Variants in ARMC9 observed in about 807,000 individuals in gnomAD.
ARMC9 encodes the protein armadillo repeat containing 9, also known as lisH domain-containing protein ARMC9.
A neutral mutation model predicts 107.0 loss-of-function variants in ARMC9; 94 were observed. The ratio of observed to expected loss-of-function variants is 0.88; its 90% CI spans 0.74 to 1.04. The LOEUF is 1.04. Ranked by LOEUF, ARMC9 falls within the 50% of genes least tolerant of loss-of-function variation. The pLI is 0.00. For synonymous variants in ARMC9, 380 were observed against 396.9 expected, an observed-to-expected ratio of 0.96 and a Z score of 0.51; for missense variants, 942 against 1,030.1, an observed-to-expected ratio of 0.91 and a Z score of 1.17.
chr2:231,254,851 A>G (rs1486806877), intron 9 of ARMC9, among the ~76,000 whole-genome samples: 2 of 152,136 alleles, frequency 1.3e-5, no homozygotes, highest in East Asian at 1.9e-4. Flanking sequence ...CTTCTCCTCT[A>G]CTTATTCCCT....
chr2:231,360,681 C>G lies in ARMC9; in HGVS notation c.2132-73C>G, dbSNP rs1380364762. 6.5e-7 allele frequency: 1 copy of G among 1,534,812 alleles called. No homozygotes were observed. The highest frequency in any genetic ancestry group is 2.4e-5 in the East Asian group (1 of 40,904). On this transcript the variant is annotated intron_variant, in intron 22 of 24. Transcript: ENST00000611582. This position sits in a 1 kb window ranked among gnomAD's most constrained non-coding sequence, Gnocchi z 4.7. ...TGCGTGCTTTTCTTGGCTTTCCAACCCAGCCCACGAGAGGGCATCCTTAGA... is the reference window on the plus strand; with the variant it reads ...TGCGTGCTTTTCTTGGCTTTCCAACGCAGCCCACGAGAGGGCATCCTTAGA...
chr2:231,280,661 AT>A (rs771883892), intron 16 of ARMC9, among the ~76,000 whole-genome samples: 1 of 152,164 alleles, frequency 6.6e-6, no homozygotes, highest in Non-Finnish European at 1.5e-5. Context: ...ACATTTTTTG[AT>A]TGGAAAAAGA....
At chr2:231,256,459 C>CA (rs202122259) in intron 9 of ARMC9, 127 bp from the exon 10 acceptor site, 56,326 of 773,652 alleles carry the variant, frequency 0.073, 20 homozygotes, top group Non-Finnish European at 0.077. Context: ...AAAAAAAAAC[C>CA]AAAAAAAAAA....
intron 19 of ARMC9, among the ~76,000 whole-genome samples, chr2:231,317,753 C>T (rs1035482710): frequency 1.2e-4 from 18 of 152,114 alleles, no homozygotes; most frequent in Middle Eastern, 6.8e-3. Context: ...GATTCTTTTA[C>T]CCTTTTGTAT....
intron 7 of ARMC9, among the ~76,000 whole-genome samples, chr2:231,228,211 A>T (rs1200749808): frequency 6.6e-6 from 1 of 152,252 alleles, no homozygotes; most frequent in Non-Finnish European, 1.5e-5. Flanking sequence ...AATACACCTC[A>T]GCCCACTGTT....
intron 19 of ARMC9, among the ~76,000 whole-genome samples, chr2:231,317,941 A>T (rs1303990019): frequency 6.6e-6 from 1 of 151,936 alleles, no homozygotes; most frequent in Admixed American, 6.6e-5. Context: ...TTCTTTGAGC[A>T]TATTTATAAT....
chr2:231,348,993 A>G lies in ARMC9; in HGVS notation c.1994+3903A>G, dbSNP rs1427703369. Reference sequence around the variant, plus strand: ...TCATACACTGTTGGTGAGAATGTAAATTAGTACAGCCACTATGGAGAACAG... The same window carrying G: ...TCATACACTGTTGGTGAGAATGTAAGTTAGTACAGCCACTATGGAGAACAG... On this transcript the variant is annotated intron_variant, in intron 21 of 24. Transcript: ENST00000611582. Among the ~76,000 whole-genome samples the G allele has an allele frequency of 2.0e-5, 3 of 152,346 alleles. No homozygotes were observed. The East Asian group carries it at 5.8e-4, about 29-fold the overall frequency.
chr2:231,199,846 C>T (rs1036293248), intron 1 of ARMC9, among the ~76,000 whole-genome samples: 7 of 152,036 alleles, frequency 4.6e-5, no homozygotes, highest in African/African-American at 1.2e-4. Flanking sequence ...CAGGTGCAGA[C>T]GCCACCACGC....
At chr2:231,270,545 G>C (rs1208008402) in intron 12 of ARMC9, 8 of 452,580 alleles carry the variant, frequency 1.8e-5, no homozygotes, top group Admixed American at 1.2e-4. Context: ...CCCACTTCCA[G>C]AATTGTGGCG....
chr2:231,323,575 C>G (rs555509231), intron 19 of ARMC9, among the ~76,000 whole-genome samples: 1 of 152,180 alleles, frequency 6.6e-6, no homozygotes, highest in Non-Finnish European at 1.5e-5. Context: ...AGGATGCCTC[C>G]GTTCCCTTTT....
intron 8 of ARMC9, among the ~76,000 whole-genome samples, chr2:231,235,729 G>A (rs892117034): frequency 5.9e-5 from 9 of 151,904 alleles, no homozygotes; most frequent in Admixed American, 3.3e-4. Context: ...TGCAACCTCC[G>A]CCTCCCAGAT....
chr2:231,281,083 T>C (rs1265180890), intron 16 of ARMC9, among the ~76,000 whole-genome samples: 2 of 152,136 alleles, frequency 1.3e-5, no homozygotes, highest in East Asian at 3.8e-4. Context: ...ATGCTCCATG[T>C]CCCATGTGTG....
intron 9 of ARMC9, chr2:231,256,354 G>A (rs2037808841): frequency 2.1e-6 from 3 of 1,447,322 alleles, no homozygotes; most frequent in Non-Finnish European, 1.9e-6. Context: ...CCACTTGGCC[G>A]ATGGGAATGG....
At chr2:231,291,191 A>G (rs1400053992) in intron 17 of ARMC9, among the ~76,000 whole-genome samples, 162 bp from the exon 18 acceptor site, 2 of 152,070 alleles carry the variant, frequency 1.3e-5, no homozygotes, top group South Asian at 2.1e-4. Context: ...TTTTGTATCT[A>G]TCTCTTAAAC....
rs1317003914 is a variant in ARMC9, at chr2:231,370,144, C to T, written c.2434+19C>T. 6.7e-7 allele frequency: 1 copy of T among 1,500,404 alleles called. No homozygotes were observed. The highest frequency in any genetic ancestry group is 1.2e-5 in the South Asian group (1 of 80,474). The allele number at this position is 1,500,404 out of a possible 1,614,324, so 92.9% of individuals were successfully genotyped here. On this transcript the variant is annotated intron_variant, in intron 24 of 24. Transcript: ENST00000611582. The stretch of plus-strand genomic sequence containing the variant: ...CTGCCGAGTAAGTCAGCCTGGGCCC[C>T]ACTGGCGTGGGAGCCTGGCCACCCG...
chr2:231,358,870 G>C lies in ARMC9; in HGVS notation c.2132-1884G>C, dbSNP rs2045449472. ...AGCATTTTGCAGAACGTTGGCCTAAGGAAAGCTATTCTCATTTCCCCACCA... is the reference window on the plus strand; with the variant it reads ...AGCATTTTGCAGAACGTTGGCCTAACGAAAGCTATTCTCATTTCCCCACCA... On this transcript the variant is annotated intron_variant, in intron 22 of 24. Transcript: ENST00000611582. The surrounding 1 kb of genome is among the most constrained non-coding windows in gnomAD (Gnocchi z 4.5). 6.6e-6 allele frequency among the ~76,000 whole-genome samples: 1 copy of C among 152,140 alleles called. No homozygotes were observed. Among genetic ancestry groups the C allele is most frequent in the Admixed American group, 6.5e-5 (1 of 15,272 alleles).
intron 17 of ARMC9, among the ~76,000 whole-genome samples, chr2:231,288,297 A>G (rs1320462093): frequency 6.6e-6 from 1 of 152,188 alleles, no homozygotes; most frequent in Non-Finnish European, 1.5e-5. Flanking sequence ...CAATGTACAT[A>G]AAAGGAAGGA....
At chr2:231,199,048 C>T (rs2030265371) in intron 1 of ARMC9, 1 of 152,220 alleles carries the variant, frequency 6.6e-6, no homozygotes, top group South Asian at 2.1e-4. Context: ...ATTTAGATCC[C>T]CCTGATAATC....
At chr2:231,317,726 C>T (rs966722682) in intron 19 of ARMC9, among the ~76,000 whole-genome samples, 4 of 152,014 alleles carry the variant, frequency 2.6e-5, no homozygotes, top group African/African-American at 4.8e-5. Flanking sequence ...TTCTGTTGAT[C>T]GTCCTTCCAG....
Sources: allele counts gnomAD v4.1 joint callset (sites outside exome capture counted in the v4.1 genomes callset), GRCh38; gene constraint gnomAD v4.1.1; non-coding constraint Gnocchi (gnomAD v3.1); transcripts MANE v1.5; gene names NCBI Gene and HGNC (gene_info 2026-07-23, HGNC 2026-07-21).